DCAF17: variants seen among roughly 807,000 people sequenced by gnomAD.
DCAF17 encodes the protein DDB1 and CUL4 associated factor 17.
Under a neutral mutation model 66.0 loss-of-function variants are expected in DCAF17, and 48 were observed. The ratio of observed to expected loss-of-function variants is 0.73; its 90% CI spans 0.58 to 0.92. The LOEUF is 0.92. DCAF17 is among the 40% of genes least tolerant of loss of function. DCAF17 has a pLI of 0.00. For missense variants in DCAF17, 562 were observed against 622.8 expected (o/e 0.90, Z 1.04); for synonymous variants, 206 against 214.6 (o/e 0.96, Z 0.35).
intron 9 of DCAF17, among the ~76,000 whole-genome samples, chr2:171,470,389 C>G (rs980296539): frequency 6.6e-6 from 1 of 152,146 alleles, no homozygotes; most frequent in African/African-American, 2.4e-5. Flanking sequence ...CCTTTCACCA[C>G]GCACGTTACA....
In DCAF17 at chr2:171,435,190, A is replaced by G. The variant is rs1212437326; in HGVS notation, c.230+4A>G. ...ATTATCGGCGCTGTGTCAGCAGGTA[A>G]CTTTTTATTGATAATTTTGCTGTAA... On this transcript the variant is annotated splice_donor_region_variant and intron_variant, in intron 2 of 13. Transcript: ENST00000375255. 3.7e-6 allele frequency: 6 copies of G among 1,604,472 alleles called. No homozygotes were observed. In the African/African-American group the frequency reaches 8.0e-5, roughly 22 times the overall value.
intron 13 of DCAF17, among the ~76,000 whole-genome samples, chr2:171,480,584 C>G (rs964989421): frequency 1.3e-5 from 2 of 152,142 alleles, no homozygotes; most frequent in African/African-American, 4.8e-5. Context: ...ATACATTTGT[C>G]TGATATTTCA....
At chr2:171,443,347 GTTTT>G in intron 2 of DCAF17, 172 bp from the exon 3 acceptor site, 1 of 520,126 alleles carries the variant, frequency 1.9e-6, no homozygotes, top group Middle Eastern at 5.3e-4. Context: ...TTTTAATCTT[GTTTT>G]TTTTTATATG....
intron 2 of DCAF17, among the ~76,000 whole-genome samples, chr2:171,438,896 A>T (rs1694123137): frequency 6.6e-6 from 1 of 152,028 alleles, no homozygotes; most frequent in South Asian, 2.1e-4. Flanking sequence ...GGCTATTTTT[A>T]AAACAATTTT....
chr2:171,469,912 C>T (rs757870957), intron 9 of DCAF17, among the ~76,000 whole-genome samples: 137 of 152,286 alleles, frequency 9.0e-4, no homozygotes, highest in Middle Eastern at 6.8e-3. Context: ...TTCAAGTGAT[C>T]CTCCTGCCAC....
At chr2:171,448,931 A>C (rs1377454912) in intron 4 of DCAF17, 114 bp downstream of exon 4, 12 of 919,950 alleles carry the variant, frequency 1.3e-5, no homozygotes, top group Non-Finnish European at 1.9e-5. Context: ...ACCAGATCTC[A>C]ATTAATAAAC....
intron 8 of DCAF17, among the ~76,000 whole-genome samples, chr2:171,468,584 G>T (rs112606482): frequency 2.0e-5 from 3 of 152,194 alleles, no homozygotes; most frequent in African/African-American, 7.2e-5. Context: ...AATGTACTTT[G>T]TCATTTCTTA....
Position 171,458,203 on chromosome 2 carries a change from A to C in DCAF17, c.732+128A>C, listed in dbSNP as rs1308902325. Reference sequence around the variant, plus strand: ...AGATTTTGGCTCTAAAAAACTGTAGAAATGTAGAAGACAAGTAACCTTTAA... The same window carrying C: ...AGATTTTGGCTCTAAAAAACTGTAGCAATGTAGAAGACAAGTAACCTTTAA... On this transcript the variant is annotated intron_variant, in intron 7 of 13. Transcript: ENST00000375255. 4 of 1,071,336 alleles carry C rather than the reference A, an allele frequency of 3.7e-6. No homozygotes were observed. In the Admixed American group the frequency reaches 5.6e-5, roughly 15 times the overall value. The allele number at this position is 1,071,336 out of a possible 1,614,324, so 66.4% of individuals were successfully genotyped here.
chr2:171,444,519 G>T (rs778411344), intron 3 of DCAF17, among the ~76,000 whole-genome samples: 4 of 152,150 alleles, frequency 2.6e-5, no homozygotes, highest in Non-Finnish European at 1.5e-5. Context: ...TTTGTGTTTA[G>T]ACTTGGGTCC....
intron 12 of DCAF17, among the ~76,000 whole-genome samples, chr2:171,478,721 G>A (rs1406298252): frequency 6.6e-6 from 1 of 152,158 alleles, no homozygotes; most frequent in Non-Finnish European, 1.5e-5. Context: ...AGAAACATTA[G>A]AGTGGCCTTC....
intron 8 of DCAF17, among the ~76,000 whole-genome samples, chr2:171,460,031 AAAGT>A (rs1302793156): frequency 6.6e-6 from 1 of 152,176 alleles, no homozygotes; most frequent in Non-Finnish European, 1.5e-5. Context: ...ATGCAAATAA[AAAGT>A]AAGTAAAGTC....
intron 10 of DCAF17, 176 bp downstream of exon 10, chr2:171,474,151 A>C: frequency 1.6e-6 from 1 of 626,926 alleles, no homozygotes; most frequent in Non-Finnish European, 2.8e-6. Flanking sequence ...GAGACTCAAC[A>C]TTACTGTTTG....
intron 5 of DCAF17, among the ~76,000 whole-genome samples, chr2:171,452,241 G>C (rs911846621): frequency 6.6e-6 from 1 of 152,000 alleles, no homozygotes; most frequent in African/African-American, 2.4e-5. Context: ...GCTGTGATGG[G>C]GCAGACAGCT....
At chr2:171,460,952 GA>G (rs1296732897) in intron 8 of DCAF17, among the ~76,000 whole-genome samples, 4 of 152,070 alleles carry the variant, frequency 2.6e-5, no homozygotes, top group Non-Finnish European at 5.9e-5. Flanking sequence ...ATAATTCAAT[GA>G]TTTTTGTATG....
chr2:171,484,007 A>G lies in DCAF17; in HGVS notation c.*2893A>G, dbSNP rs1337775772. The G allele has an allele frequency of 4.4e-6, 2 of 453,866 alleles. No homozygotes were observed. Among genetic ancestry groups the G allele is most frequent in the East Asian group, 6.9e-5 (1 of 14,390 alleles). The allele number at this position is 453,866 out of a possible 1,614,324, so 28.1% of individuals were successfully genotyped here. A position where few individuals can be genotyped will look rare whatever the true frequency, so the allele number is the denominator to read the frequency against. ...AGTGCTTAATAATCGTTTTTTACTG[A>G]TGATTCAGTGTCTAAATTTTGAACA... is the stretch of plus-strand genomic sequence containing the variant. On this transcript the variant is annotated 3_prime_UTR_variant, in exon 14 of 14. Coordinates refer to ENST00000375255, the MANE Select transcript of DCAF17 (RefSeq NM_025000.4).
intron 3 of DCAF17, among the ~76,000 whole-genome samples, chr2:171,444,829 A>G (rs1175681642): frequency 6.6e-6 from 1 of 152,092 alleles, no homozygotes; most frequent in Non-Finnish European, 1.5e-5. Flanking sequence ...TTTTTTTTTC[A>G]GGCTATCATT....
At chr2:171,458,714 G>A (rs1695403838) in intron 8 of DCAF17, among the ~76,000 whole-genome samples, 1 of 152,154 alleles carries the variant, frequency 6.6e-6, no homozygotes, top group African/African-American at 2.4e-5. Flanking sequence ...CAGACCTTTA[G>A]CAATTCACTT....
Position 171,434,722 on chromosome 2 carries a change from G to A in DCAF17, c.126+19G>A. 8.4e-6 allele frequency: 12 copies of A among 1,425,770 alleles called. No individual in the cohort carries two copies. Among genetic ancestry groups the A allele is most frequent in the Non-Finnish European group, 1.1e-5 (12 of 1,103,044 alleles). 88.3% of individuals were successfully genotyped at this position (1,425,770 alleles called of 1,614,324 possible). On this transcript the variant is annotated intron_variant, in intron 1 of 13. Transcript: ENST00000375255. ...GTGCCAGGTGACCGCCAGCCGGCCG[G>A]GGCGGGACGGAGGGCCGCGGGCGCG...
At position 171,481,470 on chromosome 2, in the gene DCAF17, A is replaced by G. The variant is rs1035420657; in HGVS notation, c.*356A>G. 1 of 459,464 alleles carries G rather than the reference A, an allele frequency of 2.2e-6. No homozygotes were observed. Among genetic ancestry groups the G allele is most frequent in the Non-Finnish European group, 4.3e-6 (1 of 230,554 alleles). 28.5% of individuals were successfully genotyped at this position (459,464 alleles called of 1,614,324 possible). On this transcript the variant is annotated 3_prime_UTR_variant, in exon 14 of 14. Transcript: ENST00000375255. ...CATTGATGAGTTCTTAAAGGATGGTATGGAATTTTGTTTGTTAAGGCTAGG... is the reference window on the plus strand; with the variant it reads ...CATTGATGAGTTCTTAAAGGATGGTGTGGAATTTTGTTTGTTAAGGCTAGG...
Sources: allele counts gnomAD v4.1 joint callset (sites outside exome capture counted in the v4.1 genomes callset), GRCh38; gene constraint gnomAD v4.1.1; transcripts MANE v1.5; gene names NCBI Gene and HGNC (gene_info 2026-07-23, HGNC 2026-07-21).